MRPL48: variants seen among roughly 807,000 people sequenced by gnomAD.
MRPL48 encodes the protein large ribosomal subunit protein mL48.
A neutral mutation model predicts 32.9 loss-of-function variants in MRPL48; 16 were observed. The ratio of observed to expected loss-of-function variants is 0.49; its 90% CI spans 0.33 to 0.74. The LOEUF (loss-of-function observed/expected upper bound fraction) is 0.74, where lower values mean the gene tolerates loss of function less well. MRPL48 is among the 30% of genes least tolerant of loss of function. MRPL48 has a pLI of 0.02. For synonymous variants in MRPL48, 94 were observed against 89.2 expected (o/e 1.05, Z -0.31); for missense variants, 206 against 245.3 (o/e 0.84, Z 1.07).
Position 73,864,576 on chromosome 11 carries a change from C to T in MRPL48, c.*206C>T. ...CTATGAGGTAATGCTTGTTATCTTC[C>T]ATCTAATAAAAATCTGCTGCAGATG... is the stretch of plus-strand genomic sequence containing the variant. On this transcript the variant is annotated 3_prime_UTR_variant, in exon 8 of 8. Transcript: ENST00000310614. 1 of 586,734 alleles carries T rather than the reference C, an allele frequency of 1.7e-6. No individual in the cohort carries two copies. 36.3% of individuals were successfully genotyped at this position (586,734 alleles called of 1,614,324 possible). A position where few individuals can be genotyped will look rare whatever the true frequency, so the allele number is the denominator to read the frequency against.
In MRPL48 at chr11:73,844,255, C is replaced by T. The variant is rs551267425; in HGVS notation, c.202-552C>T. 2.0e-5 allele frequency among the ~76,000 whole-genome samples: 3 copies of T among 151,838 alleles called. No homozygotes were observed. In the South Asian group the frequency reaches 6.2e-4, roughly 32 times the overall value. The stretch of plus-strand genomic sequence containing the variant: ...GACTGCCCTGGGCAGCATGGTGAAA[C>T]CCCATCTCTACGAAAAATACGAAAA... On this transcript the variant is annotated intron_variant, in intron 4 of 7. Coordinates refer to ENST00000310614, the MANE Select transcript of MRPL48 (RefSeq NM_016055.6).
At chr11:73,814,415 T>C (rs1036030388) in intron 3 of MRPL48, among the ~76,000 whole-genome samples, 17 of 146,850 alleles carry the variant, frequency 1.2e-4, no homozygotes, top group African/African-American at 4.0e-4. Flanking sequence ...AAGAGTGAGG[T>C]GGGGCACGGT....
intron 5 of MRPL48, among the ~76,000 whole-genome samples, chr11:73,849,548 A>G (rs541048081): frequency 6.6e-6 from 1 of 152,174 alleles, no homozygotes; most frequent in Non-Finnish European, 1.5e-5. Context: ...AGCATACTGT[A>G]TTTGAGATTC....
At chr11:73,788,088 G>C in intron 1 of MRPL48, 96 bp downstream of exon 1, 2 of 1,549,844 alleles carry the variant, frequency 1.3e-6, no homozygotes, top group Non-Finnish European at 1.8e-6. Context: ...GTGGCGGCGC[G>C]CGGACATCCG....
Position 73,844,860 on chromosome 11 carries a change from T to C in MRPL48, c.255T>C (p.Asp85=). The change falls in exon 5 of 8, where the codon GAT becomes GAC. Residue 85 remains aspartate (D), a synonymous_variant. Transcript: ENST00000310614. The part of the protein sequence containing the change: ...VEVRAINLGT[D]YEYGVLNIHL... ...TGAGAGCCATTAATTTGGGGACAGA[T>C]TATGAATATGGGGTTTTAAATATTC... The C allele has an allele frequency of 6.2e-7, 1 of 1,613,876 alleles. No homozygotes were observed. The highest frequency in any genetic ancestry group is 8.5e-7 in the Non-Finnish European group (1 of 1,179,834).
At chr11:73,820,401 T>A (rs1947756750) in intron 3 of MRPL48, among the ~76,000 whole-genome samples, 1 of 152,118 alleles carries the variant, frequency 6.6e-6, no homozygotes, top group African/African-American at 2.4e-5. Context: ...ATTTTTGTAT[T>A]TTTAGTAGAG....
chr11:73,804,827 T>A (rs1204557727), intron 1 of MRPL48, among the ~76,000 whole-genome samples, 200 bp from the exon 2 acceptor site: 1 of 152,208 alleles, frequency 6.6e-6, no homozygotes, highest in Admixed American at 6.5e-5. Flanking sequence ...TTTGAGCATT[T>A]ACTGTAGTGG....
intron 6 of MRPL48, 53 bp from the exon 7 acceptor site, chr11:73,863,119 T>C (rs969162531): frequency 2.0e-6 from 3 of 1,476,844 alleles, no homozygotes; most frequent in Non-Finnish European, 9.3e-7. Flanking sequence ...TCTGCCCAGT[T>C]ACCTCGTTTT....
intron 3 of MRPL48, among the ~76,000 whole-genome samples, chr11:73,824,491 A>G (rs946360533): frequency 6.6e-6 from 1 of 151,952 alleles, no homozygotes; most frequent in African/African-American, 2.4e-5. Flanking sequence ...AGGCTGAGGC[A>G]GGAGAATTGC....
chr11:73,855,429 A>C (rs1485952898), intron 5 of MRPL48, among the ~76,000 whole-genome samples: 1 of 151,824 alleles, frequency 6.6e-6, no homozygotes, highest in Non-Finnish European at 1.5e-5. Flanking sequence ...TTTCCACCTC[A>C]GGACCTTTGC....
At position 73,814,706 on chromosome 11, in the gene MRPL48, A is replaced by T. The variant is rs1391668935; in HGVS notation, c.112+6356A>T. ...GTGAGACTGTCTCAAGAAAAAAAAA[A>T]AGTGAGGCTGGGTGCGGTGGCTCAT... On this transcript the variant is annotated intron_variant, in intron 3 of 7. Transcript: ENST00000310614. 2.1e-5 allele frequency among the ~76,000 whole-genome samples: 3 copies of T among 140,028 alleles called. No homozygotes were observed. The Admixed American group carries it at 2.2e-4, about 10-fold the overall frequency. 91.9% of individuals were successfully genotyped at this position (140,028 alleles called of 152,430 possible). A position where few individuals can be genotyped will look rare whatever the true frequency, so the allele number is the denominator to read the frequency against.
intron 3 of MRPL48, among the ~76,000 whole-genome samples, chr11:73,809,781 C>T (rs960233732): frequency 1.3e-5 from 2 of 152,118 alleles, no homozygotes; most frequent in Non-Finnish European, 2.9e-5. Flanking sequence ...ATGTGTCTGA[C>T]AAGTATCAGA....
intron 5 of MRPL48, chr11:73,850,513 CT>C: frequency 2.8e-6 from 1 of 359,736 alleles, no homozygotes. Context: ...TATTAAACAC[CT>C]TCCAGCCTTT....
intron 5 of MRPL48, among the ~76,000 whole-genome samples, chr11:73,845,320 A>G (rs1362044259): frequency 6.6e-6 from 1 of 152,146 alleles, no homozygotes; most frequent in Non-Finnish European, 1.5e-5. Context: ...TGTGTCTGAC[A>G]TTCTTTCATG....
At chr11:73,808,625 A>T (rs1479327234) in intron 3 of MRPL48, among the ~76,000 whole-genome samples, 1 of 152,234 alleles carries the variant, frequency 6.6e-6, no homozygotes, top group East Asian at 1.9e-4. Context: ...ACCTTAAAAA[A>T]TGAGCAGGCT....
chr11:73,800,615 G>A (rs1326012232), intron 1 of MRPL48, among the ~76,000 whole-genome samples: 1 of 152,030 alleles, frequency 6.6e-6, no homozygotes, highest in Admixed American at 6.6e-5. Flanking sequence ...CACTTGCAGG[G>A]CCAGAGCTGC....
At chr11:73,835,955 A>G (rs900076951) in intron 4 of MRPL48, among the ~76,000 whole-genome samples, 1 of 151,934 alleles carries the variant, frequency 6.6e-6, no homozygotes, top group Non-Finnish European at 1.5e-5. Context: ...TATTTTTTTG[A>G]GACAGGGTCT....
chr11:73,820,508 GC>G (rs1451814216), intron 3 of MRPL48, among the ~76,000 whole-genome samples: 2 of 152,104 alleles, frequency 1.3e-5, no homozygotes, highest in Admixed American at 1.3e-4. Flanking sequence ...TCAGGTGTGA[GC>G]CACTTGCCCA....
chr11:73,822,985 A>T (rs1367920731), intron 3 of MRPL48: 4 of 453,084 alleles, frequency 8.8e-6, no homozygotes, highest in Non-Finnish European at 1.8e-5. Context: ...ATGCCTGATG[A>T]TCTGTCACTG....
Sources: allele counts gnomAD v4.1 joint callset (sites outside exome capture counted in the v4.1 genomes callset), GRCh38; gene constraint gnomAD v4.1.1; transcripts MANE v1.5; gene names NCBI Gene and HGNC (gene_info 2026-07-23, HGNC 2026-07-21).